The following CPQ variants were observed in gnomAD, a reference collection of about 807,000 sequenced individuals.
CPQ encodes the protein Ser-Met dipeptidase.
In CPQ, 37 loss-of-function variants were observed where a neutral mutation model predicts 45.7. The ratio of observed to expected loss-of-function variants is 0.81; its 90% CI spans 0.62 to 1.07. The LOEUF (loss-of-function observed/expected upper bound fraction) is 1.07. Ranked by LOEUF, CPQ falls within the 50% of genes least tolerant of loss-of-function variation. The probability of loss-of-function intolerance (pLI) is 0.00; values close to 1 mark genes in which losing one functional copy is unlikely to be tolerated. For synonymous variants in CPQ, 186 were observed against 205.8 expected, an observed-to-expected ratio of 0.90 and a Z score of 0.82; for missense variants, 537 against 572.9, an observed-to-expected ratio of 0.94 and a Z score of 0.64.
At position 96,744,789 on chromosome 8, in the gene CPQ, A is replaced by G. The variant is rs561210316; in HGVS notation, c.-34-40075A>G. Among the ~76,000 whole-genome samples, 34 of 152,292 alleles carry G rather than the reference A, an allele frequency of 2.2e-4. No homozygotes were observed. In the East Asian group the frequency reaches 6.2e-3, roughly 28 times the overall value. On this transcript the variant is annotated intron_variant, in intron 1 of 7. Coordinates refer to ENST00000220763, the MANE Select transcript of CPQ (RefSeq NM_016134.4). The stretch of plus-strand genomic sequence containing the variant: ...GTCTGACAATATTTGTCTTTTAACC[A>G]GGTAATCTAGGCAGTTTACATTGAT...
chr8:96,884,499 T>C (rs140331964), intron 4 of CPQ, among the ~76,000 whole-genome samples: 67 of 151,962 alleles, frequency 4.4e-4, no homozygotes, highest in Non-Finnish European at 8.8e-4. Context: ...CTGAGGTGAG[T>C]AATCAGAGGT....
At chr8:96,856,274 G>A (rs1040718955) in intron 3 of CPQ, among the ~76,000 whole-genome samples, 4 of 152,200 alleles carry the variant, frequency 2.6e-5, no homozygotes, top group Admixed American at 1.3e-4. Flanking sequence ...AATAGTCCAG[G>A]TGAGAAATTA....
chr8:96,943,261 T>C (rs1368572868), intron 4 of CPQ, among the ~76,000 whole-genome samples: 1 of 152,200 alleles, frequency 6.6e-6, no homozygotes, highest in Non-Finnish European at 1.5e-5. Flanking sequence ...CTAAGATCAA[T>C]GGAACAGAAC....
At chr8:96,812,343 T>C (rs1811169640) in intron 2 of CPQ, among the ~76,000 whole-genome samples, 1 of 152,178 alleles carries the variant, frequency 6.6e-6, no homozygotes, top group Admixed American at 6.5e-5. Flanking sequence ...TTTACATTAA[T>C]TTTTAAAAGG....
Position 96,678,527 on chromosome 8 carries a change from C to G in CPQ, c.-35+33125C>G, listed in dbSNP as rs572135783. On this transcript the variant is annotated intron_variant, in intron 1 of 7. Coordinates refer to ENST00000220763, the MANE Select transcript of CPQ (RefSeq NM_016134.4). Reference sequence around the variant, plus strand: ...ATCATGGCTGCACTAATTTAGATTCCCACCAACAGTATATAAGCGTTCCCT... The same window carrying G: ...ATCATGGCTGCACTAATTTAGATTCGCACCAACAGTATATAAGCGTTCCCT... Among the ~76,000 whole-genome samples the G allele has an allele frequency of 1.2e-4, 18 of 152,092 alleles. No homozygotes were observed. In the South Asian group the frequency reaches 3.3e-3, roughly 28 times the overall value.
At chr8:96,926,564 C>CTTCTTCTTCTTCTTCTTCT (rs1563530761) in intron 4 of CPQ, among the ~76,000 whole-genome samples, 3 of 64,274 alleles carry the variant, frequency 4.7e-5, no homozygotes, top group African/African-American at 2.8e-4. Context: ...CTTCCTCTTC[C>CTTCTTCTTCTTCTTCTTCT]TCTTCCTCTT....
chr8:96,786,634 T>G (rs2130810399), intron 2 of CPQ, among the ~76,000 whole-genome samples: 1 of 152,294 alleles, frequency 6.6e-6, no homozygotes, highest in Middle Eastern at 3.4e-3. Context: ...CACAGTTTTA[T>G]GTACCCACTG....
chr8:97,029,340 C>T (rs1043895552), intron 5 of CPQ, 63 bp from the exon 6 acceptor site: 34 of 1,484,648 alleles, frequency 2.3e-5, no homozygotes, highest in Non-Finnish European at 3.1e-5. Flanking sequence ...AGGGACCCTG[C>T]CATTTTTTTA....
intron 5 of CPQ, among the ~76,000 whole-genome samples, chr8:97,003,893 G>A (rs1044543047): frequency 5.9e-5 from 9 of 152,058 alleles, no homozygotes; most frequent in African/African-American, 2.2e-4. Flanking sequence ...TGACATCTAG[G>A]ATATAAGCAC....
At chr8:96,920,675 A>T (rs942213295) in intron 4 of CPQ, among the ~76,000 whole-genome samples, 1 of 152,170 alleles carries the variant, frequency 6.6e-6, no homozygotes, top group African/African-American at 2.4e-5. Context: ...AAATTAGGCC[A>T]TTAAGCTATT....
rs1245363316 is a variant in CPQ, at chr8:96,742,467, G to T, written c.-34-42397G>T. 2.0e-5 allele frequency among the ~76,000 whole-genome samples: 3 copies of T among 151,968 alleles called. No individual in the cohort carries two copies. In the South Asian group the frequency reaches 6.2e-4, roughly 32 times the overall value. ...GTGTCTTTTAATTGGAGCATTTAGT[G>T]CATTTACATTTAAAGTTAATATTGT... On this transcript the variant is annotated intron_variant, in intron 1 of 7. Transcript: ENST00000220763.
At chr8:97,050,961 C>T (rs1380875164) in intron 6 of CPQ, among the ~76,000 whole-genome samples, 1 of 152,088 alleles carries the variant, frequency 6.6e-6, no homozygotes, top group African/African-American at 2.4e-5. Context: ...ATCCTCAGAA[C>T]AACCCTATTA....
intron 1 of CPQ, chr8:96,659,229 C>G (rs1261354181): frequency 1.3e-5 from 2 of 152,132 alleles, no homozygotes; most frequent in African/African-American, 2.4e-5. Flanking sequence ...GTGTTTTTCA[C>G]TCTCATTTTA....
intron 3 of CPQ, among the ~76,000 whole-genome samples, chr8:96,845,876 A>G (rs1300720239): frequency 6.6e-6 from 1 of 152,114 alleles, no homozygotes; most frequent in Non-Finnish European, 1.5e-5. Flanking sequence ...GCAGGAGTAA[A>G]TGGCGCGATC....
chr8:96,979,470 G>A (rs1443068227), intron 5 of CPQ, among the ~76,000 whole-genome samples: 1 of 152,126 alleles, frequency 6.6e-6, no homozygotes, highest in African/African-American at 2.4e-5. Context: ...ATACCAAAGA[G>A]GAAGTGATGG....
intron 7 of CPQ, among the ~76,000 whole-genome samples, chr8:97,098,440 T>C (rs967872995): frequency 1.3e-5 from 2 of 152,140 alleles, no homozygotes; most frequent in African/African-American, 4.8e-5. Context: ...ATACTCCCCT[T>C]CCAACTCTAG....
intron 2 of CPQ, among the ~76,000 whole-genome samples, chr8:96,794,935 A>G (rs1469705383): frequency 6.6e-6 from 1 of 152,154 alleles, no homozygotes; most frequent in Non-Finnish European, 1.5e-5. Context: ...CCATATTATT[A>G]TGAGCATTTT....
At chr8:96,696,342 G>A (rs955054884) in intron 1 of CPQ, among the ~76,000 whole-genome samples, 1 of 152,042 alleles carries the variant, frequency 6.6e-6, no homozygotes, top group Non-Finnish European at 1.5e-5. Context: ...CCTAATGGTA[G>A]ATGACGAGTT....
chr8:96,854,899 C>T (rs1480996276), intron 3 of CPQ, among the ~76,000 whole-genome samples: 1 of 152,174 alleles, frequency 6.6e-6, no homozygotes, highest in Non-Finnish European at 1.5e-5. Flanking sequence ...CCTCAATTGC[C>T]ACACAGTCTG....
Sources: allele counts gnomAD v4.1 joint callset (sites outside exome capture counted in the v4.1 genomes callset), GRCh38; gene constraint gnomAD v4.1.1; transcripts MANE v1.5; gene names NCBI Gene and HGNC (gene_info 2026-07-23, HGNC 2026-07-21).